SNTG1: variants seen among roughly 807,000 people sequenced by gnomAD.
SNTG1 encodes the protein gamma-1-syntrophin.
A neutral mutation model predicts 74.7 loss-of-function variants in SNTG1; 39 were observed. The observed-to-expected ratio is 0.52, with a 90% CI of 0.40 to 0.68. The LOEUF (loss-of-function observed/expected upper bound fraction) is 0.68, where lower values mean the gene tolerates loss of function less well. Among genes scored for constraint, SNTG1 ranks in the 30% least tolerant of loss-of-function variants. The pLI is 0.00. For missense variants in SNTG1, 685 were observed against 609.5 expected (o/e 1.12, Z -1.30); for synonymous variants, 254 against 217.1 (o/e 1.17, Z -1.49).
At chr8:50,381,736 TTA>T (rs1159800830) in intron 2 of SNTG1, among the ~76,000 whole-genome samples, 6 of 128,598 alleles carry the variant, frequency 4.7e-5, no homozygotes, top group African/African-American at 1.6e-4. Flanking sequence ...ATCCTATTAG[TTA>T]TATATATATA....
chr8:50,361,063 A>T (rs1445215902), intron 2 of SNTG1, among the ~76,000 whole-genome samples: 4 of 152,226 alleles, frequency 2.6e-5, no homozygotes, highest in Non-Finnish European at 4.4e-5. Flanking sequence ...AAACATTTAC[A>T]ACTGTACAAA....
chr8:50,299,141 T>C (rs1284072913), intron 2 of SNTG1, among the ~76,000 whole-genome samples: 1 of 152,166 alleles, frequency 6.6e-6, no homozygotes, highest in Non-Finnish European at 1.5e-5. Flanking sequence ...TACACCTTGA[T>C]AGTTTTAGCA....
At chr8:50,434,139 G>A (rs2093275454) in intron 4 of SNTG1, among the ~76,000 whole-genome samples, 2 of 150,918 alleles carry the variant, frequency 1.3e-5, no homozygotes, top group Admixed American at 1.3e-4. Flanking sequence ...AACATGCGGT[G>A]TTTGGTTCTT....
In SNTG1 at chr8:50,257,783, A is replaced by G. The variant is rs192154786; in HGVS notation, c.-28+85148A>G. On this transcript the variant is annotated intron_variant, in intron 2 of 18. Transcript: ENST00000642720. ...CAGTTAAGAGCAAGCTCAAAGAAGG[A>G]CAAAATAACCCTACTGCCGCAAATG... Among the ~76,000 whole-genome samples the G allele has an allele frequency of 3.3e-5, 5 of 152,338 alleles. No homozygotes were observed. In the East Asian group the frequency reaches 9.7e-4, roughly 29 times the overall value.
At chr8:50,511,384 T>C (rs2094072904) in intron 9 of SNTG1, among the ~76,000 whole-genome samples, 1 of 152,206 alleles carries the variant, frequency 6.6e-6, no homozygotes, top group Non-Finnish European at 1.5e-5. Context: ...GAAAAGAATG[T>C]ATATTCTGTT....
chr8:50,419,054 A>C (rs1293223880), intron 4 of SNTG1, among the ~76,000 whole-genome samples: 1 of 152,158 alleles, frequency 6.6e-6, no homozygotes, highest in Non-Finnish European at 1.5e-5. Context: ...AGGGAGAAAG[A>C]CAGGTTGGCT....
At chr8:50,565,544 A>G (rs950360446) in intron 12 of SNTG1, among the ~76,000 whole-genome samples, 2 of 152,194 alleles carry the variant, frequency 1.3e-5, no homozygotes, top group Middle Eastern at 3.4e-3. Context: ...AACCCCAGGT[A>G]TTAACAAACT....
intron 15 of SNTG1, among the ~76,000 whole-genome samples, chr8:50,681,715 A>G (rs577284738): frequency 2.0e-5 from 3 of 152,346 alleles, no homozygotes; most frequent in East Asian, 1.9e-4. Flanking sequence ...CTCACTTTTT[A>G]GGAATTCCCA....
At chr8:49,941,964 C>T (rs1174022322) in intron 1 of SNTG1, among the ~76,000 whole-genome samples, 2 of 152,038 alleles carry the variant, frequency 1.3e-5, no homozygotes, top group Non-Finnish European at 2.9e-5. Flanking sequence ...ATATGTTGGT[C>T]ATATGTTTGA....
chr8:50,470,241 C>T (rs192823300), intron 8 of SNTG1, among the ~76,000 whole-genome samples: 1 of 152,324 alleles, frequency 6.6e-6, no homozygotes, highest in Admixed American at 6.5e-5. Context: ...CAGTAATGAA[C>T]TTTAATCCTA....
intron 16 of SNTG1, chr8:50,707,968 C>T (rs1281809599): frequency 2.4e-5 from 9 of 377,708 alleles, no homozygotes; most frequent in East Asian, 7.5e-5. Context: ...TTTGGGAGGC[C>T]GAGGCGGGTG....
intron 1 of SNTG1, among the ~76,000 whole-genome samples, chr8:49,988,431 T>C (rs1181485138): frequency 6.6e-6 from 1 of 152,156 alleles, no homozygotes; most frequent in Non-Finnish European, 1.5e-5. Flanking sequence ...TGACAATGTC[T>C]CATCAGGTAG....
intron 1 of SNTG1, among the ~76,000 whole-genome samples, chr8:50,037,240 G>A (rs1179805103): frequency 2.6e-5 from 4 of 152,188 alleles, no homozygotes; most frequent in South Asian, 4.1e-4. Context: ...TTTAATGTAG[G>A]TTATCTTAAA....
intron 9 of SNTG1, among the ~76,000 whole-genome samples, chr8:50,505,330 G>A (rs980792790): frequency 6.6e-5 from 10 of 151,944 alleles, no homozygotes; most frequent in Admixed American, 6.6e-5. Flanking sequence ...CTCTGCTTTC[G>A]GTTATTTTGG....
At chr8:50,206,527 C>T (rs1354494150) in intron 2 of SNTG1, among the ~76,000 whole-genome samples, 1 of 152,182 alleles carries the variant, frequency 6.6e-6, no homozygotes, top group East Asian at 1.9e-4. Flanking sequence ...GACAGTTTGA[C>T]TTCCTCTTTT....
chr8:50,504,713 A>C (rs758870888), intron 9 of SNTG1, among the ~76,000 whole-genome samples: 3 of 152,200 alleles, frequency 2.0e-5, no homozygotes, highest in Non-Finnish European at 4.4e-5. Context: ...AGGTGAGAGG[A>C]TGGCTTGAGC....
intron 2 of SNTG1, among the ~76,000 whole-genome samples, chr8:50,214,670 G>A (rs376483430): frequency 2.0e-5 from 3 of 152,028 alleles, no homozygotes; most frequent in Non-Finnish European, 4.4e-5. Context: ...TAATGTAATT[G>A]GCTTGACTTG....
At chr8:49,920,069 C>A (rs1585501669) in intron 1 of SNTG1, among the ~76,000 whole-genome samples, 1 of 151,964 alleles carries the variant, frequency 6.6e-6, no homozygotes, top group African/African-American at 2.4e-5. Flanking sequence ...TCCTTTTAAG[C>A]GATTAGAGAA....
chr8:50,328,035 CTAT>C (rs1443336939), intron 2 of SNTG1, among the ~76,000 whole-genome samples: 7 of 151,950 alleles, frequency 4.6e-5, no homozygotes, highest in African/African-American at 1.7e-4. Context: ...CACATTGTTG[CTAT>C]TATTATTTTA....
Sources: gnomAD v4.1 joint callset for allele counts (sites outside exome capture counted in the v4.1 genomes callset) on GRCh38, gnomAD v4.1.1 for gene constraint, MANE v1.5 for transcripts, NCBI Gene and HGNC (gene_info 2026-07-23, HGNC 2026-07-21) for gene names.